Variants in ADAM11 observed in about 807,000 individuals in gnomAD.
ADAM11 encodes ADAM metallopeptidase domain 11, also known as disintegrin and metalloproteinase domain-containing protein 11.
A neutral mutation model predicts 119.1 loss-of-function variants in ADAM11; 49 were observed. The ratio of observed to expected loss-of-function variants is 0.41; its 90% CI spans 0.33 to 0.52. ADAM11 has a LOEUF of 0.52. ADAM11 is among the 20% of genes least tolerant of loss of function. The probability of loss-of-function intolerance (pLI) is 0.20; values close to 1 mark genes in which losing one functional copy is unlikely to be tolerated. For synonymous variants in ADAM11, 364 were observed against 408.0 expected (o/e 0.89, Z 1.30); for missense variants, 777 against 1,047.5 (o/e 0.74, Z 3.56).
chr17:44,769,603 C>T, intron 2 of ADAM11, 115 bp from the exon 3 acceptor site: 1 of 724,826 alleles, frequency 1.4e-6, no homozygotes, highest in Non-Finnish European at 2.4e-6. Flanking sequence ...ATGGTCCCCT[C>T]AGCTGCTAGG....
chr17:44,761,971 C>A (rs1234352696), intron 2 of ADAM11, among the ~76,000 whole-genome samples: 5 of 152,120 alleles, frequency 3.3e-5, no homozygotes, highest in Non-Finnish European at 7.4e-5. Flanking sequence ...TACAGACGTG[C>A]GCCACCATGC....
At chr17:44,760,077 C>T (rs1488565714) in intron 2 of ADAM11, among the ~76,000 whole-genome samples, 180 bp downstream of exon 2, 1 of 152,174 alleles carries the variant, frequency 6.6e-6, no homozygotes, top group Admixed American at 6.5e-5. Context: ...CCTGCCCAGC[C>T]CCAGGGCCCC....
chr17:44,764,229 T>C (rs1012372512), intron 2 of ADAM11, among the ~76,000 whole-genome samples: 15 of 152,192 alleles, frequency 9.9e-5, no homozygotes, highest in Non-Finnish European at 1.5e-4. Context: ...TTGTGAGAGA[T>C]GCCCAGGCCA....
rs532001484 is a variant in ADAM11 at position 44,774,337 on chromosome 17, G to A, written c.1035G>A (p.Val345=). 19 of 1,481,320 alleles carry A rather than the reference G, an allele frequency of 1.3e-5. No individual in the cohort carries two copies. The highest frequency in any genetic ancestry group is 1.7e-5 in the Non-Finnish European group (19 of 1,111,178). 91.8% of individuals were successfully genotyped at this position (1,481,320 alleles called of 1,614,324 possible). A position where few individuals can be genotyped will look rare whatever the true frequency, so the allele number is the denominator to read the frequency against. ...GCACGAGCAGCGGGGCAGCCTACGT[G>A]GGGGGCATATGCTCCCTGTCCCACG... ...FQSTSSGAAY[V]GGICSLSHGG... Residue 345 remains valine, a synonymous_variant, in exon 12 of 27, where the codon GTG becomes GTA. Transcript: ENST00000200557.
Position 44,772,707 on chromosome 17 carries a change from G to T in ADAM11, c.679-150G>T. 1.1e-6 allele frequency: 1 copy of T among 889,086 alleles called. No homozygotes were observed. Among genetic ancestry groups the T allele is most frequent in the South Asian group, 1.7e-5 (1 of 59,654 alleles). The allele number at this position is 889,086 out of a possible 1,614,324, so 55.1% of individuals were successfully genotyped here. A position where few individuals can be genotyped will look rare whatever the true frequency, so the allele number is the denominator to read the frequency against. ...CTGCCTGCCCTCATTCCAAAGCTGA[G>T]GAAGGACAGGACCCTCTGCCAGTGG... On this transcript the variant is annotated intron_variant, in intron 8 of 26. Coordinates refer to ENST00000200557, the MANE Select transcript of ADAM11 (RefSeq NM_002390.6). This position sits in a 1 kb window ranked among gnomAD's most constrained non-coding sequence, Gnocchi z 4.5.
At chr17:44,769,886 C>G (rs1195292494) in intron 3 of ADAM11, 92 bp downstream of exon 3, 5 of 1,603,916 alleles carry the variant, frequency 3.1e-6, no homozygotes, top group Non-Finnish European at 4.3e-6. Flanking sequence ...GGGGTTGGGC[C>G]TGGGCAGAGG....
intron 4 of ADAM11, among the ~76,000 whole-genome samples, chr17:44,770,499 C>A (rs948039292): frequency 3.5e-4 from 4 of 11,288 alleles, no homozygotes; most frequent in Admixed American, 1.7e-3. Context: ...CCCCCCCCCC[C>A]GCCCCCACTG....
At chr17:44,774,186 C>T in intron 11 of ADAM11, 109 bp from the exon 12 acceptor site, 1 of 630,288 alleles carries the variant, frequency 1.6e-6, no homozygotes. Flanking sequence ...GGGCCAGGCT[C>T]ACCTCCTGAG....
At position 44,772,457 on chromosome 17, in the gene ADAM11, G is replaced by A. The variant is rs753767940; in HGVS notation, c.669G>A (p.Arg223=). The part of the protein sequence containing the change: ...SAPPNRPRLR[R]KRQVRRGHPT... ...CTCCAAACCGGCCGAGGCTGAGAAGGAAAAGGCAGGTACGGGGGCCCGCAC... is the reference window on the plus strand; with the variant it reads ...CTCCAAACCGGCCGAGGCTGAGAAGAAAAAGGCAGGTACGGGGGCCCGCAC... Residue 223 remains arginine (R), a synonymous_variant, in exon 8 of 27, where the codon AGG becomes AGA. Coordinates refer to ENST00000200557, the MANE Select transcript of ADAM11 (RefSeq NM_002390.6). This position sits in a 1 kb window ranked among gnomAD's most constrained non-coding sequence, Gnocchi z 4.5. 7 of 1,571,524 alleles carry A rather than the reference G, an allele frequency of 4.5e-6. No homozygotes were observed. The South Asian group carries it at 8.1e-5, about 18-fold the overall frequency.
chr17:44,773,532 G>T lies in ADAM11; in HGVS notation c.992+105G>T, dbSNP rs1409860078. On this transcript the variant is annotated intron_variant, in intron 11 of 26. Transcript: ENST00000200557. This position sits in a 1 kb window ranked among gnomAD's most constrained non-coding sequence, Gnocchi z 4.6. The stretch of plus-strand genomic sequence containing the variant: ...CTGGCTGCTCCTCTCAGAGTCTGGG[G>T]ACTGGGCTCACCTTGCACCTGCCAC... 1.4e-6 allele frequency: 2 copies of T among 1,410,470 alleles called. No individual in the cohort carries two copies. Among genetic ancestry groups the T allele is most frequent in the Non-Finnish European group, 1.9e-6 (2 of 1,054,280 alleles). The allele number at this position is 1,410,470 out of a possible 1,614,324, so 87.4% of individuals were successfully genotyped here.
intron 4 of ADAM11, 139 bp from the exon 5 acceptor site, chr17:44,771,445 G>T: frequency 1.2e-6 from 1 of 862,078 alleles, no homozygotes; most frequent in Non-Finnish European, 1.8e-6. Flanking sequence ...TCTAGAAACA[G>T]GCTCCAGAGC....
chr17:44,759,490 C>A (rs2049362466), intron 1 of ADAM11: 17 of 1,248,460 alleles, frequency 1.4e-5, no homozygotes, highest in South Asian at 9.8e-5. Flanking sequence ...CTCTGCAGGT[C>A]TCTGCGGGTT....
chr17:44,776,795 G>A lies in ADAM11; in HGVS notation c.1617G>A (p.Gln539=), dbSNP rs756692237. Residue 539 remains glutamine (Q), a splice_region_variant and synonymous_variant, in exon 19 of 27, where the codon CAG becomes CAA. Transcript: ENST00000200557. The surrounding 1 kb of genome is among the most constrained non-coding windows in gnomAD (Gnocchi z 5.2). ...KLDGYYCDHE[Q]GRCYGGRCKT... Reference sequence around the variant, plus strand: ...ACGGTTACTACTGTGACCATGAGCAGGTATGATGGCTGCCCCCTGAGCCTG... The same window carrying A: ...ACGGTTACTACTGTGACCATGAGCAAGTATGATGGCTGCCCCCTGAGCCTG... The A allele has an allele frequency of 2.5e-6, 4 of 1,614,182 alleles. No homozygotes were observed. Among genetic ancestry groups the A allele is most frequent in the Non-Finnish European group, 3.4e-6 (4 of 1,180,016 alleles).
chr17:44,770,104 T>C (rs2049501561), intron 4 of ADAM11, 56 bp downstream of exon 4: 1 of 1,590,976 alleles, frequency 6.3e-7, no homozygotes, highest in African/African-American at 1.3e-5. Context: ...GCTGTTTCTG[T>C]GGTTCTGTGG....
At chr17:44,779,600 T>G (rs1395784158) in intron 26 of ADAM11, 139 bp from the exon 27 acceptor site, 6 of 1,482,218 alleles carry the variant, frequency 4.0e-6, no homozygotes, top group Non-Finnish European at 5.3e-6. Context: ...CTGTCTGACC[T>G]CCCGCAGATC....
intron 14 of ADAM11, 119 bp downstream of exon 14, chr17:44,774,868 T>C (rs772298641): frequency 3.4e-5 from 43 of 1,279,836 alleles, no homozygotes; most frequent in Non-Finnish European, 4.5e-5. Flanking sequence ...CCACTCAGGA[T>C]CCCAAGAAGC....
chr17:44,762,756 G>C, intron 2 of ADAM11, among the ~76,000 whole-genome samples: 1 of 152,120 alleles, frequency 6.6e-6, no homozygotes, highest in East Asian at 1.9e-4. Context: ...GTGGTGATGG[G>C]AAAGAGCTTT....
chr17:44,769,840 G>A (rs766313400), intron 3 of ADAM11, 46 bp downstream of exon 3: 33 of 1,607,522 alleles, frequency 2.1e-5, no homozygotes, highest in Non-Finnish European at 1.7e-5. Context: ...GGTGGGGCGG[G>A]GGAGACATGG....
Position 44,776,046 on chromosome 17 carries a change from G to A in ADAM11, c.1486-81G>A. 6.6e-7 allele frequency: 1 copy of A among 1,517,488 alleles called. No homozygotes were observed. Among genetic ancestry groups the A allele is most frequent in the Non-Finnish European group, 9.1e-7 (1 of 1,099,386 alleles). The allele number at this position is 1,517,488 out of a possible 1,614,324, so 94.0% of individuals were successfully genotyped here. ...GAGCTGGAGGGCCCGGGGATGTGGGGGTCCAGAGAGCGAGGGGCCTGGGGA... is the reference window on the plus strand; with the variant it reads ...GAGCTGGAGGGCCCGGGGATGTGGGAGTCCAGAGAGCGAGGGGCCTGGGGA... On this transcript the variant is annotated intron_variant, in intron 17 of 26. Coordinates refer to ENST00000200557, the MANE Select transcript of ADAM11 (RefSeq NM_002390.6). This position sits in a 1 kb window ranked among gnomAD's most constrained non-coding sequence, Gnocchi z 5.2.
Sources: gnomAD v4.1 joint callset for allele counts (sites outside exome capture counted in the v4.1 genomes callset) on GRCh38, gnomAD v4.1.1 for gene constraint, Gnocchi (gnomAD v3.1) non-coding constraint, MANE v1.5 for transcripts, NCBI Gene and HGNC (gene_info 2026-07-23, HGNC 2026-07-21) for gene names.